DAAM1: variants seen among roughly 807,000 people sequenced by gnomAD.
DAAM1 encodes the protein disheveled-associated activator of morphogenesis 1.
DAAM1 carries 52 observed loss-of-function variants against 130.0 expected under a neutral mutation model. That is an observed-to-expected ratio of 0.40 (90% CI 0.32 to 0.50). The LOEUF (loss-of-function observed/expected upper bound fraction) is 0.50. DAAM1 is among the 20% of genes least tolerant of loss of function. The probability of loss-of-function intolerance (pLI) is 0.61; values close to 1 mark genes in which losing one functional copy is unlikely to be tolerated. For missense variants in DAAM1, 1,134 were observed against 1,303.8 expected (o/e 0.87, Z 2.01); for synonymous variants, 452 against 444.5 (o/e 1.02, Z -0.21).
chr14:59,268,000 T>C (rs1882534743), intron 2 of DAAM1, among the ~76,000 whole-genome samples: 1 of 149,966 alleles, frequency 6.7e-6, no homozygotes, highest in African/African-American at 2.4e-5. Flanking sequence ...CTTCCCGGGT[T>C]CAAGCGATTA....
chr14:59,271,429 C>T (rs528582958), intron 2 of DAAM1, among the ~76,000 whole-genome samples: 21 of 151,878 alleles, frequency 1.4e-4, no homozygotes, highest in African/African-American at 4.8e-4. Flanking sequence ...TGAGGACATT[C>T]GCAGGATTAG....
At chr14:59,229,157 G>A (rs1425003660) in intron 1 of DAAM1, among the ~76,000 whole-genome samples, 1 of 152,202 alleles carries the variant, frequency 6.6e-6, no homozygotes, top group African/African-American at 2.4e-5. Flanking sequence ...CATGTCAGCA[G>A]TGGAAGATAT....
chr14:59,262,588 A>G (rs1378844463), intron 1 of DAAM1, among the ~76,000 whole-genome samples: 2 of 152,066 alleles, frequency 1.3e-5, no homozygotes, highest in East Asian at 1.9e-4. Context: ...AGCATTTTCA[A>G]CATTTTCCCA....
intron 20 of DAAM1, among the ~76,000 whole-genome samples, chr14:59,358,617 T>G (rs1471046389): frequency 6.6e-6 from 1 of 151,928 alleles, no homozygotes; most frequent in Non-Finnish European, 1.5e-5. Flanking sequence ...CCGAGGCGGG[T>G]GGATCACCTG....
intron 1 of DAAM1, 110 bp from the exon 2 acceptor site, chr14:59,263,331 C>T (rs1284008579): frequency 2.3e-6 from 2 of 868,050 alleles, no homozygotes; most frequent in Non-Finnish European, 3.6e-6. Context: ...CCCTGCAGGG[C>T]GCACACAGTG....
intron 1 of DAAM1, among the ~76,000 whole-genome samples, chr14:59,236,804 A>G (rs1889318276): frequency 6.6e-6 from 1 of 152,178 alleles, no homozygotes; most frequent in South Asian, 2.1e-4. Context: ...TGTTTGTAGA[A>G]TAAATTAATT....
At chr14:59,282,586 T>G (rs1883273436) in intron 2 of DAAM1, among the ~76,000 whole-genome samples, 3 of 152,132 alleles carry the variant, frequency 2.0e-5, no homozygotes, top group Admixed American at 1.3e-4. Flanking sequence ...TTTGCCTACC[T>G]GTGTTGACAG....
chr14:59,202,555 T>G (rs1888138551), intron 1 of DAAM1, among the ~76,000 whole-genome samples: 1 of 152,222 alleles, frequency 6.6e-6, no homozygotes, highest in Non-Finnish European at 1.5e-5. Context: ...GCGTATACAT[T>G]TCAGAATGCT....
At chr14:59,240,246 C>T (rs917340458) in intron 1 of DAAM1, among the ~76,000 whole-genome samples, 15 of 152,122 alleles carry the variant, frequency 9.9e-5, no homozygotes, top group Admixed American at 4.6e-4. Context: ...CTTCATCTCT[C>T]GAGATCTTTC....
chr14:59,257,272 T>C (rs1408480614), intron 1 of DAAM1, among the ~76,000 whole-genome samples: 1 of 152,080 alleles, frequency 6.6e-6, no homozygotes, highest in African/African-American at 2.4e-5. Flanking sequence ...GAATTTATAC[T>C]TTTGCATTCA....
At chr14:59,251,598 C>T (rs1430910839) in intron 1 of DAAM1, among the ~76,000 whole-genome samples, 2 of 152,136 alleles carry the variant, frequency 1.3e-5, no homozygotes, top group African/African-American at 4.8e-5. Context: ...TTATAGCTGA[C>T]ATACCAACTT....
chr14:59,246,528 T>C (rs1881388652), intron 1 of DAAM1, among the ~76,000 whole-genome samples: 1 of 152,206 alleles, frequency 6.6e-6, no homozygotes, highest in Admixed American at 6.5e-5. Context: ...TGCAAATATC[T>C]GTTCAAAACC....
At chr14:59,367,279 C>CCAT (rs1425986423) in intron 23 of DAAM1, 150 bp from the exon 24 acceptor site, 11 of 1,344,130 alleles carry the variant, frequency 8.2e-6, no homozygotes, top group Non-Finnish European at 9.6e-6. Context: ...TGGCGAAACT[C>CCAT]CATCTCCAAA....
intron 4 of DAAM1, among the ~76,000 whole-genome samples, chr14:59,316,355 A>G (rs1884795412): frequency 6.6e-6 from 1 of 152,248 alleles, no homozygotes; most frequent in Non-Finnish European, 1.5e-5. Context: ...ACTGATTAGA[A>G]TATGTGAGTC....
Position 59,347,640 on chromosome 14 carries a change from A to G in DAAM1, c.2160+17A>G, listed in dbSNP as rs768006671. On this transcript the variant is annotated intron_variant, in intron 17 of 24. Coordinates refer to ENST00000360909, the MANE Select transcript of DAAM1 (RefSeq NM_001270520.2). ...TTGGAACAGGTGAGCTACCAGATGT[A>G]TCTGAGAGCAGAAGTGAAAAGCGAC... The G allele has an allele frequency of 1.7e-5, 28 of 1,611,998 alleles. No individual in the cohort carries two copies. Among genetic ancestry groups the G allele is most frequent in the Non-Finnish European group, 5.1e-6 (6 of 1,178,554 alleles).
chr14:59,221,390 A>G (rs1176448748), intron 1 of DAAM1, among the ~76,000 whole-genome samples: 2 of 152,226 alleles, frequency 1.3e-5, no homozygotes, highest in Non-Finnish European at 2.9e-5. Flanking sequence ...TGGTAATTAC[A>G]ATCTTCCTTT....
chr14:59,324,252 A>G lies in DAAM1; in HGVS notation c.885+14A>G, dbSNP rs769513976. 3.6e-6 allele frequency: 5 copies of G among 1,406,962 alleles called. No individual in the cohort carries two copies. The highest frequency in any genetic ancestry group is 4.7e-6 in the Non-Finnish European group (5 of 1,072,484). 87.2% of individuals were successfully genotyped at this position (1,406,962 alleles called of 1,614,324 possible). A position where few individuals can be genotyped will look rare whatever the true frequency, so the allele number is the denominator to read the frequency against. On this transcript the variant is annotated intron_variant, in intron 7 of 24. Transcript: ENST00000360909. ...GGTGCAGGAGTGGTAAGAACCTTCT[A>G]CAAATTAAAAATATATTAGTAAATA...
At chr14:59,269,924 G>A (rs535599063) in intron 2 of DAAM1, among the ~76,000 whole-genome samples, 6 of 152,262 alleles carry the variant, frequency 3.9e-5, no homozygotes, top group East Asian at 3.9e-4. Context: ...TCTGAGAGAC[G>A]AGCCTGGGAA....
At chr14:59,256,699 C>A (rs747924077) in intron 1 of DAAM1, among the ~76,000 whole-genome samples, 1 of 152,162 alleles carries the variant, frequency 6.6e-6, no homozygotes, top group Non-Finnish European at 1.5e-5. Flanking sequence ...GATATGGAAA[C>A]CTAGGTCCCT....
Sources: gnomAD v4.1 joint callset for allele counts (sites outside exome capture counted in the v4.1 genomes callset) on GRCh38, gnomAD v4.1.1 for gene constraint, MANE v1.5 for transcripts, NCBI Gene and HGNC (gene_info 2026-07-23, HGNC 2026-07-21) for gene names.